LOXL1: variants seen among roughly 807,000 people sequenced by gnomAD.
The protein encoded by LOXL1 is lysyl oxidase homolog 1.
Under a neutral mutation model 62.2 loss-of-function variants are expected in LOXL1, and 31 were observed. That is an observed-to-expected ratio of 0.50 (90% CI 0.37 to 0.67). The LOEUF (loss-of-function observed/expected upper bound fraction) is 0.67. Ranked by LOEUF, LOXL1 falls within the 30% of genes least tolerant of loss-of-function variation. The pLI, the probability that LOXL1 is intolerant of heterozygous loss-of-function variation, is 0.00. For synonymous variants in LOXL1, 403 were observed against 384.4 expected (o/e 1.05, Z -0.56); for missense variants, 775 against 843.4 (o/e 0.92, Z 1.00).
At chr15:73,932,185 T>G (rs909868596) in intron 1 of LOXL1, among the ~76,000 whole-genome samples, 3 of 152,158 alleles carry the variant, frequency 2.0e-5, no homozygotes, top group Admixed American at 6.5e-5. Flanking sequence ...GGTCCTCACC[T>G]CCCACATCTG....
chr15:73,941,313 C>T (rs766221333), intron 1 of LOXL1, among the ~76,000 whole-genome samples: 15 of 152,242 alleles, frequency 9.9e-5, no homozygotes, highest in Middle Eastern at 3.2e-3. Context: ...TGAGATCACC[C>T]TGGCTGCCTG....
chr15:73,929,310 C>T (rs145841906), intron 1 of LOXL1, among the ~76,000 whole-genome samples: 40 of 152,332 alleles, frequency 2.6e-4, no homozygotes, highest in African/African-American at 9.4e-4. Flanking sequence ...CCTGGCCCAC[C>T]AAGTAAGGGC....
At chr15:73,931,279 C>CT (rs5813732) in intron 1 of LOXL1, among the ~76,000 whole-genome samples, 44,363 of 151,728 alleles carry the variant, frequency 0.29, 6,975 homozygotes, top group East Asian at 0.55. Context: ...TCCCTGACTT[C>CT]ACATGGCCAA....
chr15:73,947,793 T>G lies in LOXL1; in HGVS notation c.1507-14T>G. On this transcript the variant is annotated splice_polypyrimidine_tract_variant and intron_variant, in intron 4 of 6. Transcript: ENST00000261921. ...CAAGCAGCATCACAGCCGCTCCTCT[T>G]GTCCCTTTCCCAGGGCCTGAGCCCA... The G allele has an allele frequency of 6.3e-7, 1 of 1,588,114 alleles. No homozygotes were observed. Among genetic ancestry groups the G allele is most frequent in the Non-Finnish European group, 8.6e-7 (1 of 1,159,262 alleles).
chr15:73,937,215 A>G (rs190063812), intron 1 of LOXL1, among the ~76,000 whole-genome samples: 90 of 152,308 alleles, frequency 5.9e-4, no homozygotes, highest in Admixed American at 3.8e-3. Flanking sequence ...GCTTGTCCCG[A>G]GCACACAGGC....
At position 73,927,952 on chromosome 15, in the gene LOXL1, C is replaced by T. The variant is rs1430287178; in HGVS notation, c.1102+67C>T. The T allele has an allele frequency of 5.5e-5, 69 of 1,258,326 alleles. No individual in the cohort carries two copies. The East Asian group carries it at 2.1e-3, about 38-fold the overall frequency. 77.9% of individuals were successfully genotyped at this position (1,258,326 alleles called of 1,614,324 possible). On this transcript the variant is annotated intron_variant, in intron 1 of 6. Coordinates refer to ENST00000261921, the MANE Select transcript of LOXL1 (RefSeq NM_005576.4). The stretch of plus-strand genomic sequence containing the variant: ...GGCCACTGGAAACTGCTCCGGGCCC[C>T]CCGGGCCCCTCCTTAGAACTTCCTG...
At position 73,927,806 on chromosome 15, in the gene LOXL1, G is replaced by A; in HGVS notation, c.1023G>A (p.Pro341=). The A allele has an allele frequency of 1.5e-6, 2 of 1,372,008 alleles. No homozygotes were observed. The highest frequency in any genetic ancestry group is 1.9e-6 in the Non-Finnish European group (2 of 1,071,448). 85.0% of individuals were successfully genotyped at this position (1,372,008 alleles called of 1,614,324 possible). The change falls in exon 1 of 7, where the codon CCG becomes CCA. Residue 341 remains proline, a synonymous_variant. Coordinates refer to ENST00000261921, the MANE Select transcript of LOXL1 (RefSeq NM_005576.4). ...CGGTGCGCAGCTCCGACACGCCCCCGCCGGGTGGGGAGCGGAACGGCGCGC... is the reference window on the plus strand; with the variant it reads ...CGGTGCGCAGCTCCGACACGCCCCCACCGGGTGGGGAGCGGAACGGCGCGC... The part of the protein sequence containing the change: ...YLPVRSSDTP[P]PGGERNGAQQ...
At chr15:73,950,605 G>A (rs1173510212) in intron 6 of LOXL1, among the ~76,000 whole-genome samples, 1 of 152,200 alleles carries the variant, frequency 6.6e-6, no homozygotes, top group Non-Finnish European at 1.5e-5. Flanking sequence ...TCAGGGCCCA[G>A]TGTGTGACCA....
At chr15:73,950,271 G>A (rs1188753526) in intron 6 of LOXL1, among the ~76,000 whole-genome samples, 6 of 139,866 alleles carry the variant, frequency 4.3e-5, no homozygotes, top group Admixed American at 7.5e-5. Flanking sequence ...CCACACTCCA[G>A]ATCGAAGCAA....
intron 1 of LOXL1, among the ~76,000 whole-genome samples, chr15:73,936,503 A>G (rs2068673827): frequency 6.6e-6 from 1 of 152,192 alleles, no homozygotes; most frequent in African/African-American, 2.4e-5. Context: ...CATCCCGCTC[A>G]GCACATATTT....
In LOXL1 at chr15:73,932,848, AAG is replaced by A. The variant is rs377629024; in HGVS notation, c.1102+4966_1102+4967del. On this transcript the variant is annotated intron_variant, in intron 1 of 6. Transcript: ENST00000261921. ...CTCAGATTGTTCCTTCAGAAAGAAA[AAG>A]AGTCTTCAGGCTTAGAAAGCTGTGT... 1.3e-4 allele frequency among the ~76,000 whole-genome samples: 20 copies of A among 152,332 alleles called. No individual in the cohort carries two copies. The East Asian group carries it at 2.5e-3, about 19-fold the overall frequency.
intron 6 of LOXL1, among the ~76,000 whole-genome samples, chr15:73,951,432 G>A (rs1219337187): frequency 6.6e-6 from 1 of 152,106 alleles, no homozygotes; most frequent in African/African-American, 2.4e-5. Context: ...ACAGGAAGCT[G>A]GACAGAGCGT....
intron 2 of LOXL1, among the ~76,000 whole-genome samples, chr15:73,944,856 G>A (rs915439337): frequency 2.0e-5 from 3 of 152,148 alleles, no homozygotes; most frequent in Non-Finnish European, 4.4e-5. Context: ...AAGGCTGAGG[G>A]CCTTTCATCC....
Position 73,927,227 on chromosome 15 carries a change from G to A in LOXL1, c.444G>A (p.Gln148=). The A allele has an allele frequency of 8.8e-6, 14 of 1,596,326 alleles. No individual in the cohort carries two copies. The highest frequency in any genetic ancestry group is 1.4e-5 in the African/African-American group (1 of 73,646). ...CCCGGGCCCGCACCTCCGTCTCCCA[G>A]CAACGGCACGGGGGCTCCGCCTCCT... ...GMARARTSVS[Q]QRHGGSASSV... Residue 148 remains glutamine, a synonymous_variant, in exon 1 of 7, where the codon CAG becomes CAA. Coordinates refer to ENST00000261921, the MANE Select transcript of LOXL1 (RefSeq NM_005576.4).
rs1256067715 is a variant in LOXL1, at chr15:73,930,562, C to T, written c.1102+2677C>T. 6.6e-6 allele frequency among the ~76,000 whole-genome samples: 1 copy of T among 152,172 alleles called. No homozygotes were observed. Among genetic ancestry groups the T allele is most frequent in the East Asian group, 1.9e-4 (1 of 5,176 alleles). On this transcript the variant is annotated intron_variant, in intron 1 of 6. Coordinates refer to ENST00000261921, the MANE Select transcript of LOXL1 (RefSeq NM_005576.4). This position sits in a 1 kb window ranked among gnomAD's most constrained non-coding sequence, Gnocchi z 4.7. ...GTGTGGGAGCCCAAGGCGGATTCTC[C>T]GAGACTGACTTCATTCCTCCTGGCC... is the stretch of plus-strand genomic sequence containing the variant.
At chr15:73,943,812 T>C (rs1422852519) in intron 2 of LOXL1, among the ~76,000 whole-genome samples, 4 of 152,234 alleles carry the variant, frequency 2.6e-5, no homozygotes, top group African/African-American at 9.6e-5. Flanking sequence ...TCTGTTTAGT[T>C]TGACTTTTTA....
At chr15:73,937,657 G>A (rs1230272126) in intron 1 of LOXL1, among the ~76,000 whole-genome samples, 2 of 152,266 alleles carry the variant, frequency 1.3e-5, no homozygotes, top group Non-Finnish European at 2.9e-5. Flanking sequence ...CATGAAGCCT[G>A]AAGTGGGGCT....
intron 1 of LOXL1, among the ~76,000 whole-genome samples, chr15:73,932,517 G>A (rs923785152): frequency 2.0e-5 from 3 of 152,238 alleles, no homozygotes; most frequent in African/African-American, 7.2e-5. Flanking sequence ...GTGACAGGGT[G>A]AGATGGGACA....
Position 73,946,468 on chromosome 15 carries a change from C to T in LOXL1, c.1263C>T (p.Arg421=), listed in dbSNP as rs761003804. The part of the protein sequence containing the change: ...ATDYDVRVLL[R]FPQRVKNQGT... ...ACTACGATGTGCGGGTGCTACTGCG[C>T]TTCCCCCAGCGCGTGAAGAACCAGG... The change falls in exon 3 of 7, where the codon CGC becomes CGT. Residue 421 remains arginine (R), a synonymous_variant. Coordinates refer to ENST00000261921, the MANE Select transcript of LOXL1 (RefSeq NM_005576.4). The T allele has an allele frequency of 1.9e-6, 3 of 1,613,262 alleles. No homozygotes were observed. Among genetic ancestry groups the T allele is most frequent in the Admixed American group, 1.7e-5 (1 of 59,972 alleles).
Sources: allele counts gnomAD v4.1 joint callset (sites outside exome capture counted in the v4.1 genomes callset), GRCh38; gene constraint gnomAD v4.1.1; non-coding constraint Gnocchi (gnomAD v3.1); transcripts MANE v1.5; gene names NCBI Gene and HGNC (gene_info 2026-07-23, HGNC 2026-07-21).